KHK: variants seen among roughly 807,000 people sequenced by gnomAD.
KHK encodes the protein ketohexokinase.
KHK carries 37 observed loss-of-function variants against 36.0 expected under a neutral mutation model. The ratio of observed to expected loss-of-function variants is 1.03; its 90% CI spans 0.79 to 1.35. The LOEUF (loss-of-function observed/expected upper bound fraction) is 1.35, where lower values mean the gene tolerates loss of function less well. Among genes scored for constraint, KHK ranks in the 40% most tolerant of loss-of-function variants. The probability of loss-of-function intolerance (pLI) is 0.00; values close to 1 mark genes in which losing one functional copy is unlikely to be tolerated. For missense variants in KHK, 395 were observed against 391.9 expected (o/e 1.01, Z -0.07); for synonymous variants, 161 against 162.8 (o/e 0.99, Z 0.08).
intron 3 of KHK, among the ~76,000 whole-genome samples, chr2:27,095,796 CAGTG>C (rs1316741873): frequency 6.6e-6 from 1 of 152,232 alleles, no homozygotes; most frequent in Non-Finnish European, 1.5e-5. Flanking sequence ...TTCATATGTG[CAGTG>C]AGTGTGAGTA....
chr2:27,100,752 C>T lies in KHK; in HGVS notation c.*1002C>T. 8.6e-7 allele frequency: 1 copy of T among 1,166,376 alleles called. No homozygotes were observed. Among genetic ancestry groups the T allele is most frequent in the Non-Finnish European group, 1.1e-6 (1 of 923,956 alleles). 72.3% of individuals were successfully genotyped at this position (1,166,376 alleles called of 1,614,324 possible). A position where few individuals can be genotyped will look rare whatever the true frequency, so the allele number is the denominator to read the frequency against. On this transcript the variant is annotated 3_prime_UTR_variant, in exon 8 of 8. Transcript: ENST00000260598. ...CATATATAAAATGCCCAGCATGATGCCTGATGTGTACAAGGCTCTCAAAAA... is the reference window on the plus strand; with the variant it reads ...CATATATAAAATGCCCAGCATGATGTCTGATGTGTACAAGGCTCTCAAAAA...
chr2:27,096,247 G>T (rs1313479844), intron 3 of KHK, among the ~76,000 whole-genome samples: 2 of 152,182 alleles, frequency 1.3e-5, no homozygotes, highest in African/African-American at 2.4e-5. Flanking sequence ...CCTCAGGGTT[G>T]CAACGGGGAG....
In KHK at chr2:27,094,923, G is replaced by A. The variant is rs1140587; in HGVS notation, c.333G>A (p.Val111=). ...ACTCCAATGGCAACCGTACCATTGT[G>A]CTCCATGACACGTAAGGCCCCCGGG... is the stretch of plus-strand genomic sequence containing the variant. ...INNSNGNRTI[V]LHDTSLPDVS... is the part of the protein sequence containing the mutation. The change falls in exon 3 of 8, where the codon GTG becomes GTA. Residue 111 remains valine, a synonymous_variant. Transcript: ENST00000260598. 3 of 1,613,816 alleles carry A rather than the reference G, an allele frequency of 1.9e-6. No homozygotes were observed. The highest frequency in any genetic ancestry group is 2.5e-6 in the Non-Finnish European group (3 of 1,180,050).
Position 27,099,910 on chromosome 2 carries a change from C to G in KHK, c.*160C>G, listed in dbSNP as rs952853727. 2.0e-6 allele frequency: 3 copies of G among 1,503,688 alleles called. No homozygotes were observed. Among genetic ancestry groups the G allele is most frequent in the Non-Finnish European group, 1.8e-6 (2 of 1,105,672 alleles). The allele number at this position is 1,503,688 out of a possible 1,614,324, so 93.1% of individuals were successfully genotyped here. On this transcript the variant is annotated 3_prime_UTR_variant, in exon 8 of 8. Transcript: ENST00000260598. ...GTCCTGTGTTCCCCACAGGGAGAGG[C>G]TCTGGGGGGATGGCTGGGGGATGCA...
chr2:27,086,931 TC>T lies in KHK; in HGVS notation c.-327del. On this transcript the variant is annotated 5_prime_UTR_variant, in exon 1 of 8. Coordinates refer to ENST00000260598, the MANE Select transcript of KHK (RefSeq NM_006488.3). ...TAAAAAGGTTTGCATCAGCTGTGAGTCCATCTGACAAGCGAGGAAACTAAGG... is the reference window on the plus strand; with the variant it reads ...TAAAAAGGTTTGCATCAGCTGTGAGTCATCTGACAAGCGAGGAAACTAAGG... 1 of 281,678 alleles carries T rather than the reference TC, an allele frequency of 3.6e-6. No homozygotes were observed. The highest frequency in any genetic ancestry group is 6.8e-6 in the Non-Finnish European group (1 of 146,870). 17.4% of individuals were successfully genotyped at this position (281,678 alleles called of 1,614,324 possible). A position where few individuals can be genotyped will look rare whatever the true frequency, so the allele number is the denominator to read the frequency against.
chr2:27,098,928 G>GTGAC, intron 5 of KHK: 1 of 454,924 alleles, frequency 2.2e-6, no homozygotes, highest in Non-Finnish European at 4.1e-6. Flanking sequence ...GCCAGGTGCA[G>GTGAC]TGACTCACAC....
intron 1 of KHK, among the ~76,000 whole-genome samples, chr2:27,091,948 G>C (rs186719074): frequency 4.6e-4 from 70 of 152,322 alleles, no homozygotes; most frequent in Non-Finnish European, 7.8e-4. Context: ...AGTTGCTCCA[G>C]CTCTCAAGGA....
At chr2:27,092,140 G>A (rs1670045044) in intron 1 of KHK, among the ~76,000 whole-genome samples, 192 bp from the exon 2 acceptor site, 1 of 152,230 alleles carries the variant, frequency 6.6e-6, no homozygotes, top group South Asian at 2.1e-4. Flanking sequence ...CCTGGGCTGG[G>A]GAGGTAGACA....
At position 27,090,891 on chromosome 2, in the gene KHK, G is replaced by A. The variant is rs569104816; in HGVS notation, c.93-1441G>A. ...CAACATAAGAAGATGCCATCTCTAC[G>A]AAAAAATTTTTTAAATTAGCGGGGC... On this transcript the variant is annotated intron_variant, in intron 1 of 7. Coordinates refer to ENST00000260598, the MANE Select transcript of KHK (RefSeq NM_006488.3). 5.3e-5 allele frequency among the ~76,000 whole-genome samples: 8 copies of A among 151,932 alleles called. No homozygotes were observed. The South Asian group carries it at 1.5e-3, about 28-fold the overall frequency.
intron 1 of KHK, among the ~76,000 whole-genome samples, chr2:27,092,114 G>C (rs984638864): frequency 6.6e-6 from 1 of 152,234 alleles, no homozygotes; most frequent in Non-Finnish European, 1.5e-5. Context: ...AGGAACTGCT[G>C]TCAGCTTGAA....
chr2:27,097,481 G>A (rs1204907868), intron 4 of KHK, 22 bp from the exon 5 acceptor site: 14 of 1,612,714 alleles, frequency 8.7e-6, no homozygotes, highest in Non-Finnish European at 1.1e-5. Context: ...CAGCGGTCCT[G>A]AGCTGCCCTG....
chr2:27,096,958 A>G (rs9677784), intron 4 of KHK, among the ~76,000 whole-genome samples, 157 bp downstream of exon 4: 149,011 of 152,332 alleles, frequency 0.98, 72,972 homozygotes, highest in East Asian at 1. Context: ...TTCAGGTGAG[A>G]AAACTAAGGC....
chr2:27,092,084 G>T (rs971959034), intron 1 of KHK, among the ~76,000 whole-genome samples: 1 of 152,212 alleles, frequency 6.6e-6, no homozygotes, highest in Non-Finnish European at 1.5e-5. Flanking sequence ...GTTGCCCTAG[G>T]AACAGATGGA....
chr2:27,094,689 G>T, intron 2 of KHK, 111 bp from the exon 3 acceptor site: 3 of 1,613,240 alleles, frequency 1.9e-6, no homozygotes, highest in Non-Finnish European at 2.5e-6. Context: ...TCTTCTCTTA[G>T]AGGCTCGTGT....
rs200630753 is a variant in KHK, at chr2:27,094,826, G to A, written c.236G>A (p.Arg79Gln). Residue 79 changes from arginine to glutamine, a missense_variant, in exon 3 of 8, where the codon CGG becomes CAG. Coordinates refer to ENST00000260598, the MANE Select transcript of KHK (RefSeq NM_006488.3). ...TTCCTGGTGGCCGACTTCAGGCGGC[G>A]GGGCGTGGACGTGTCTCAGGTGGCC... ...ADFLVADFRR[R>Q]GVDVSQVAWQ... The A allele has an allele frequency of 9.3e-5, 150 of 1,614,012 alleles. 1 individual carries two copies. In the Middle Eastern group the frequency reaches 1.3e-3, roughly 14 times the overall value.
chr2:27,100,011 C>G lies in KHK; in HGVS notation c.*261C>G, dbSNP rs1340649816. On this transcript the variant is annotated 3_prime_UTR_variant, in exon 8 of 8. Transcript: ENST00000260598. Reference sequence around the variant, plus strand: ...TCTGAACTGCTCTGGCTGGGCATTCCTGAGGCTCTGACTCTTCGATCCTCC... The same window carrying G: ...TCTGAACTGCTCTGGCTGGGCATTCGTGAGGCTCTGACTCTTCGATCCTCC... The G allele has an allele frequency of 2.8e-6, 2 of 711,364 alleles. No individual in the cohort carries two copies. The highest frequency in any genetic ancestry group is 5.4e-5 in the East Asian group (2 of 37,106). 44.1% of individuals were successfully genotyped at this position (711,364 alleles called of 1,614,324 possible). A position where few individuals can be genotyped will look rare whatever the true frequency, so the allele number is the denominator to read the frequency against.
rs1670075462 is a variant in KHK at position 27,092,483 on chromosome 2, CTG to C, written c.209+36_209+37del. The C allele has an allele frequency of 2.1e-6, 3 of 1,439,020 alleles. No homozygotes were observed. In the African/African-American group the frequency reaches 4.2e-5, roughly 20 times the overall value. 89.1% of individuals were successfully genotyped at this position (1,439,020 alleles called of 1,614,324 possible). On this transcript the variant is annotated intron_variant, in intron 2 of 7. Transcript: ENST00000260598. ...GGAGGGAGAGCCCACTGGGGAAGGC[CTG>C]CCTGCATCATTGTGGGAGAAGAAGG... is the stretch of plus-strand genomic sequence containing the variant.
rs1229585714 is a variant in KHK, at chr2:27,100,118, C to T, written c.*368C>T. 2 of 554,032 alleles carry T rather than the reference C, an allele frequency of 3.6e-6. No homozygotes were observed. The highest frequency in any genetic ancestry group is 6.5e-6 in the Non-Finnish European group (2 of 309,118). 34.3% of individuals were successfully genotyped at this position (554,032 alleles called of 1,614,324 possible). On this transcript the variant is annotated 3_prime_UTR_variant, in exon 8 of 8. Coordinates refer to ENST00000260598, the MANE Select transcript of KHK (RefSeq NM_006488.3). ...CCTGGGCTAGAGCAGCGAGAAGTGC[C>T]CTGGGCTTGCCACCAGCTCTGCCCT...
chr2:27,095,022 GC>G, intron 3 of KHK, 88 bp downstream of exon 3: 4 of 1,472,282 alleles, frequency 2.7e-6, no homozygotes, highest in Non-Finnish European at 3.8e-6. Flanking sequence ...CATCCCAACT[GC>G]CCCCCTCTGT....
Sources: allele counts gnomAD v4.1 joint callset (sites outside exome capture counted in the v4.1 genomes callset), GRCh38; gene constraint gnomAD v4.1.1; transcripts MANE v1.5; gene names NCBI Gene and HGNC (gene_info 2026-07-23, HGNC 2026-07-21).